DSCAM: variants seen among roughly 807,000 people sequenced by gnomAD.
DSCAM encodes cell adhesion molecule DSCAM.
A neutral mutation model predicts 217.7 loss-of-function variants in DSCAM; 47 were observed. The ratio of observed to expected loss-of-function variants is 0.22; its 90% CI spans 0.17 to 0.28. The LOEUF is 0.28. DSCAM is among the 10% of genes least tolerant of loss of function. DSCAM has a pLI of 1.00. For synonymous variants in DSCAM, 1,056 were observed against 1,015.3 expected, an observed-to-expected ratio of 1.04 and a Z score of -0.76; for missense variants, 2,080 against 2,618.3, an observed-to-expected ratio of 0.79 and a Z score of 4.49.
chr21:40,262,928 C>T (rs1343306068), intron 11 of DSCAM, among the ~76,000 whole-genome samples: 1 of 152,192 alleles, frequency 6.6e-6, no homozygotes. Context: ...GCTTTCTTGC[C>T]ATTGGCCATC....
intron 3 of DSCAM, among the ~76,000 whole-genome samples, chr21:40,639,430 G>A (rs548500274): frequency 6.6e-6 from 1 of 152,228 alleles, no homozygotes; most frequent in African/African-American, 2.4e-5. Context: ...ACACCAGTGG[G>A]AAAAATAGAT....
chr21:40,839,589 CAG>C (rs1427950312), intron 1 of DSCAM, among the ~76,000 whole-genome samples: 1 of 152,064 alleles, frequency 6.6e-6, no homozygotes, highest in Non-Finnish European at 1.5e-5. Flanking sequence ...GAATATTCTG[CAG>C]AGAGTCCAAA....
At chr21:40,838,235 C>T (rs1353663570) in intron 1 of DSCAM, among the ~76,000 whole-genome samples, 1 of 152,192 alleles carries the variant, frequency 6.6e-6, no homozygotes. Flanking sequence ...GCAGTTCATG[C>T]TTATGAGAAG....
At chr21:40,085,543 T>C in intron 23 of DSCAM, 59 bp downstream of exon 23, 4 of 1,374,488 alleles carry the variant, frequency 2.9e-6, no homozygotes, top group Non-Finnish European at 3.8e-6. Flanking sequence ...AGTGCTACTT[T>C]TTGCATAGAA....
At chr21:40,055,445 G>C (rs2088999322) in intron 29 of DSCAM, among the ~76,000 whole-genome samples, 1 of 152,034 alleles carries the variant, frequency 6.6e-6, no homozygotes, top group Non-Finnish European at 1.5e-5. Flanking sequence ...AGCCTCCCCT[G>C]GAAAGATCCC....
chr21:40,537,891 TC>T (rs933846489), intron 3 of DSCAM, among the ~76,000 whole-genome samples: 1 of 152,162 alleles, frequency 6.6e-6, no homozygotes, highest in Non-Finnish European at 1.5e-5. Flanking sequence ...AACCAACGCT[TC>T]CCAAGCACCT....
At chr21:40,350,877 CTTTTTTTTTTTTTT>C (rs10658416) in intron 5 of DSCAM, among the ~76,000 whole-genome samples, 11 of 63,872 alleles carry the variant, frequency 1.7e-4, no homozygotes, top group African/African-American at 5.8e-4. Context: ...ATAAGTCATA[CTTTTTTTTTTTTTT>C]TTTTTTTTTT....
At chr21:40,619,987 AAGAGAGAG>A (rs1310106205) in intron 3 of DSCAM, among the ~76,000 whole-genome samples, 3,317 of 144,946 alleles carry the variant, frequency 0.023, 183 homozygotes, top group South Asian at 0.063. Flanking sequence ...AAGAAAAAGA[AAGAGAGAG>A]AGAAAGAGAG....
chr21:40,561,752 G>A (rs2076722069), intron 3 of DSCAM, among the ~76,000 whole-genome samples: 1 of 151,406 alleles, frequency 6.6e-6, no homozygotes. Flanking sequence ...TGACGAGACC[G>A]AGTGAACTAA....
rs930551755 is a variant in DSCAM, at chr21:40,142,447, A to G, written c.3406+111T>C. The G allele has an allele frequency of 1.3e-5, 16 of 1,203,180 alleles. No homozygotes were observed. In the African/African-American group the frequency reaches 2.3e-4, roughly 17 times the overall value. 74.5% of individuals were successfully genotyped at this position (1,203,180 alleles called of 1,614,324 possible). On this transcript the variant is annotated intron_variant, in intron 18 of 32. Transcript: ENST00000400454. ...AGAAAAGGGGAAAGTGTCTATTGAT[A>G]AAGAGGTGCCCGCCATATCCTGAGC... is the stretch of plus-strand genomic sequence containing the variant.
At chr21:40,127,436 G>A (rs1306345302) in intron 19 of DSCAM, among the ~76,000 whole-genome samples, 1 of 152,190 alleles carries the variant, frequency 6.6e-6, no homozygotes, top group Non-Finnish European at 1.5e-5. Context: ...TCTTATGAAG[G>A]TCAAAACAAA....
chr21:40,747,289 TA>T (rs72559370), intron 1 of DSCAM, among the ~76,000 whole-genome samples: 2 of 147,054 alleles, frequency 1.4e-5, no homozygotes, highest in African/African-American at 5.0e-5. Context: ...TTTGTTTAAA[TA>T]AAAAAAAAAC....
At chr21:40,030,327 T>TAAAC (rs970610200) in intron 32 of DSCAM, among the ~76,000 whole-genome samples, 1 of 152,078 alleles carries the variant, frequency 6.6e-6, no homozygotes, top group Non-Finnish European at 1.5e-5. Flanking sequence ...ACTGATCAAG[T>TAAAC]AAACAAACAA....
At chr21:40,214,860 A>G (rs1374332011) in intron 11 of DSCAM, among the ~76,000 whole-genome samples, 1 of 152,126 alleles carries the variant, frequency 6.6e-6, no homozygotes, top group African/African-American at 2.4e-5. Context: ...CAAACTCCAG[A>G]GTTCCTAAGT....
intron 3 of DSCAM, among the ~76,000 whole-genome samples, chr21:40,459,297 G>A (rs1165339553): frequency 6.6e-6 from 1 of 152,108 alleles, no homozygotes; most frequent in African/African-American, 2.4e-5. Context: ...GAAATTAAAT[G>A]CTAGAACATA....
chr21:40,627,385 TC>T (rs2089615837), intron 3 of DSCAM, among the ~76,000 whole-genome samples: 1 of 152,202 alleles, frequency 6.6e-6, no homozygotes, highest in Non-Finnish European at 1.5e-5. Flanking sequence ...CAAATCCAAC[TC>T]CTTCCACCCC....
At chr21:40,176,138 A>G (rs565448733) in intron 15 of DSCAM, among the ~76,000 whole-genome samples, 107 of 152,184 alleles carry the variant, frequency 7.0e-4, no homozygotes, top group African/African-American at 2.5e-3. Flanking sequence ...GCATTGCACC[A>G]GGGAGGAAGG....
At chr21:40,836,860 A>C (rs2092061276) in intron 1 of DSCAM, among the ~76,000 whole-genome samples, 1 of 152,224 alleles carries the variant, frequency 6.6e-6, no homozygotes, top group Non-Finnish European at 1.5e-5. Context: ...AAAACAAGAC[A>C]AAGTCACATG....
chr21:40,581,280 C>G (rs1174741259), intron 3 of DSCAM, among the ~76,000 whole-genome samples: 1 of 152,196 alleles, frequency 6.6e-6, no homozygotes, highest in Non-Finnish European at 1.5e-5. Context: ...CCACCTTTTG[C>G]TAGTTCCATG....
Sources: gnomAD v4.1 joint callset for allele counts (sites outside exome capture counted in the v4.1 genomes callset) on GRCh38, gnomAD v4.1.1 for gene constraint, MANE v1.5 for transcripts, NCBI Gene and HGNC (gene_info 2026-07-23, HGNC 2026-07-21) for gene names.